The following BABAM2 variants were observed in gnomAD, a reference collection of about 807,000 sequenced individuals.
BABAM2 encodes BRISC and BRCA1 A complex member 2.
A neutral mutation model predicts 54.7 loss-of-function variants in BABAM2; 31 were observed. The ratio of observed to expected loss-of-function variants is 0.57; its 90% CI spans 0.43 to 0.77. BABAM2 has a LOEUF of 0.77. Among genes scored for constraint, BABAM2 ranks in the 30% least tolerant of loss-of-function variants. BABAM2 has a pLI of 0.00. For missense variants in BABAM2, 364 were observed against 455.8 expected, an observed-to-expected ratio of 0.80 and a Z score of 1.83; for synonymous variants, 167 against 162.9, an observed-to-expected ratio of 1.03 and a Z score of -0.19.
At chr2:28,139,822 A>T (rs1670889036) in intron 7 of BABAM2, among the ~76,000 whole-genome samples, 1 of 152,040 alleles carries the variant, frequency 6.6e-6, no homozygotes. Flanking sequence ...TTTATATTAA[A>T]CTTCTATCCT....
At chr2:27,992,108 T>C (rs1186391968) in intron 4 of BABAM2, among the ~76,000 whole-genome samples, 1 of 152,204 alleles carries the variant, frequency 6.6e-6, no homozygotes, top group Non-Finnish European at 1.5e-5. Context: ...ACTGTAGTTT[T>C]GATTTGTGCT....
chr2:28,275,678 C>T (rs887829113), intron 10 of BABAM2, among the ~76,000 whole-genome samples: 16 of 152,036 alleles, frequency 1.1e-4, no homozygotes, highest in Non-Finnish European at 1.0e-4. Context: ...CTGGGTCTCT[C>T]GTCAAAAATG....
chr2:28,237,420 A>G (rs1361848966), intron 8 of BABAM2, 119 bp downstream of exon 8: 5 of 799,702 alleles, frequency 6.3e-6, no homozygotes, highest in Non-Finnish European at 1.0e-5. Context: ...TTCAGCCTCC[A>G]TCTGACACCT....
At chr2:28,131,380 C>CCCAAAGAGTGTTT (rs144248752) in intron 7 of BABAM2, among the ~76,000 whole-genome samples, 54,973 of 88,238 alleles carry the variant, frequency 0.62, 18,159 homozygotes, top group Middle Eastern at 0.76. Flanking sequence ...CGCGCCCGGC[C>CCCAAAGAGTGTTT]TATTATTTTT....
chr2:28,144,794 T>C (rs1257679071), intron 7 of BABAM2, among the ~76,000 whole-genome samples: 1 of 152,166 alleles, frequency 6.6e-6, no homozygotes, highest in Non-Finnish European at 1.5e-5. Flanking sequence ...TGAAGACACA[T>C]GGAGATATTA....
At chr2:27,966,912 A>G (rs926396522) in intron 3 of BABAM2, among the ~76,000 whole-genome samples, 16 of 152,138 alleles carry the variant, frequency 1.1e-4, no homozygotes, top group Non-Finnish European at 2.1e-4. Flanking sequence ...AGAAATACCA[A>G]AGCCTTATCT....
At chr2:28,227,301 GCACC>G (rs1680975782) in intron 7 of BABAM2, among the ~76,000 whole-genome samples, 1 of 151,992 alleles carries the variant, frequency 6.6e-6, no homozygotes, top group African/African-American at 2.4e-5. Flanking sequence ...TCACCAGTAG[GCACC>G]CTGGGCAGCC....
chr2:27,952,308 G>A (rs1358169725), intron 3 of BABAM2, among the ~76,000 whole-genome samples: 1 of 152,172 alleles, frequency 6.6e-6, no homozygotes, highest in Non-Finnish European at 1.5e-5. Context: ...ATTATTGTGT[G>A]CTGGATTGAT....
rs150233288 is a variant in BABAM2, at chr2:28,325,784, A to G, written c.1089-12666A>G. Among the ~76,000 whole-genome samples the G allele has an allele frequency of 3.7e-3, 556 of 152,302 alleles. 2 individuals carry two copies. Among genetic ancestry groups the G allele is most frequent in the African/African-American group, 0.013 (521 of 41,562 alleles). ...TTGGGTGACCAAAAGCTGTGTCCAA[A>G]AGCCAGCATGCAGGGGCCTGAGCAC... On this transcript the variant is annotated intron_variant, in intron 11 of 11. Transcript: ENST00000379624. The surrounding 1 kb of genome is among the most constrained non-coding windows in gnomAD (Gnocchi z 4.3).
intron 2 of BABAM2, among the ~76,000 whole-genome samples, chr2:27,912,617 A>G (rs11683978): frequency 0.99 from 150,361 of 152,294 alleles, 74,261 homozygotes; most frequent in South Asian, 1. Flanking sequence ...ACTTTAGATG[A>G]TCTCTTTAGA....
chr2:28,301,403 A>C (rs1688097959), intron 11 of BABAM2, among the ~76,000 whole-genome samples: 1 of 152,192 alleles, frequency 6.6e-6, no homozygotes, highest in Non-Finnish European at 1.5e-5. Flanking sequence ...AGGTGAGCAC[A>C]GGCTTTGGGG....
chr2:28,129,197 T>C (rs1669822880), intron 6 of BABAM2, 74 bp from the exon 7 acceptor site: 1 of 1,355,882 alleles, frequency 7.4e-7, no homozygotes, highest in East Asian at 2.3e-5. Flanking sequence ...TCAATGCCAG[T>C]GGACTGTGAG....
At chr2:28,311,260 CAAAAAAAAA>C (rs11309935) in intron 11 of BABAM2, among the ~76,000 whole-genome samples, 2 of 110,466 alleles carry the variant, frequency 1.8e-5, no homozygotes, top group East Asian at 5.3e-4. Context: ...GACCCTGTCT[CAAAAAAAAA>C]AAAAAAAAAA....
chr2:27,889,867 C>T (rs1480115434), upstream of BABAM2: 1 of 190,110 alleles, frequency 5.3e-6, no homozygotes, highest in East Asian at 1.3e-4. Context: ...GTCCTCACAA[C>T]AACCCTGTGA....
chr2:28,232,340 AGCC>A (rs1681487786), intron 7 of BABAM2, among the ~76,000 whole-genome samples: 1 of 152,208 alleles, frequency 6.6e-6, no homozygotes, highest in Admixed American at 6.5e-5. Flanking sequence ...CATTGTCCCA[AGCC>A]AAGCTTTCAG....
chr2:28,035,265 A>G (rs929740074), intron 5 of BABAM2, among the ~76,000 whole-genome samples: 1 of 152,168 alleles, frequency 6.6e-6, no homozygotes, highest in African/African-American at 2.4e-5. Flanking sequence ...TTCAGACAGC[A>G]CTGGTCTAGC....
Position 28,133,496 on chromosome 2 carries a change from G to A in BABAM2, c.680+4116G>A, listed in dbSNP as rs534390182. 9.2e-5 allele frequency among the ~76,000 whole-genome samples: 14 copies of A among 152,318 alleles called. No homozygotes were observed. In the South Asian group the frequency reaches 2.9e-3, roughly 32 times the overall value. On this transcript the variant is annotated intron_variant, in intron 7 of 11. Transcript: ENST00000379624. ...TAGGAAGTCCCAAGCCCCATGCAGTGCATTTGACAGGGAGAGGCTCAGGAG... is the reference window on the plus strand; with the variant it reads ...TAGGAAGTCCCAAGCCCCATGCAGTACATTTGACAGGGAGAGGCTCAGGAG...
At chr2:28,272,229 A>G (rs1685482556) in intron 10 of BABAM2, among the ~76,000 whole-genome samples, 1 of 152,372 alleles carries the variant, frequency 6.6e-6, no homozygotes, top group Non-Finnish European at 1.5e-5. Context: ...TTCAAAGGAC[A>G]AATAGAAATC....
chr2:28,133,893 CTTCTGAAGTCTG>C (rs1411264308), intron 7 of BABAM2, among the ~76,000 whole-genome samples: 1 of 152,212 alleles, frequency 6.6e-6, no homozygotes, highest in Non-Finnish European at 1.5e-5. Context: ...TGTGATCCCA[CTTCTGAAGTCTG>C]TTTGCCCAGG....
Sources: gnomAD v4.1 joint callset for allele counts (sites outside exome capture counted in the v4.1 genomes callset) on GRCh38, gnomAD v4.1.1 for gene constraint, Gnocchi (gnomAD v3.1) non-coding constraint, MANE v1.5 for transcripts, NCBI Gene and HGNC (gene_info 2026-07-23, HGNC 2026-07-21) for gene names.